MDGA2: variants seen among roughly 807,000 people sequenced by gnomAD.
MDGA2 encodes the protein MAM domain-containing glycosylphosphatidylinositol anchor protein 2.
In MDGA2, 40 loss-of-function variants were observed where a neutral mutation model predicts 117.8. That is an observed-to-expected ratio of 0.34 (90% CI 0.26 to 0.44). MDGA2 has a LOEUF of 0.44. MDGA2 is among the 20% of genes least tolerant of loss of function. The pLI is 1.00. For synonymous variants in MDGA2, 452 were observed against 439.0 expected (o/e 1.03, Z -0.37); for missense variants, 1,123 against 1,250.6 (o/e 0.90, Z 1.54).
chr14:47,091,587 A>C (rs1447298353), intron 6 of MDGA2, among the ~76,000 whole-genome samples: 2 of 152,152 alleles, frequency 1.3e-5, no homozygotes, highest in African/African-American at 2.4e-5. Flanking sequence ...AATGATGATG[A>C]GGAATTTTAA....
intron 1 of MDGA2, among the ~76,000 whole-genome samples, chr14:47,410,054 T>C (rs1430365880): frequency 6.6e-6 from 1 of 152,170 alleles, no homozygotes. Flanking sequence ...TTCTAATTGG[T>C]CCACATACTA....
intron 1 of MDGA2, among the ~76,000 whole-genome samples, chr14:47,467,331 G>A (rs1183151859): frequency 2.0e-5 from 3 of 152,046 alleles, no homozygotes; most frequent in Admixed American, 6.6e-5. Flanking sequence ...TGCATGTGCT[G>A]CAGGAATGAA....
At chr14:47,176,799 A>G (rs1167822768) in intron 3 of MDGA2, among the ~76,000 whole-genome samples, 1 of 152,174 alleles carries the variant, frequency 6.6e-6, no homozygotes, top group Admixed American at 6.5e-5. Flanking sequence ...AAATTGACAA[A>G]TGGGATCTAA....
intron 1 of MDGA2, among the ~76,000 whole-genome samples, chr14:47,495,019 T>A (rs547735210): frequency 2.0e-5 from 3 of 151,890 alleles, no homozygotes; most frequent in African/African-American, 7.3e-5. Flanking sequence ...TGTGTATACA[T>A]TAGGTAATAG....
intron 1 of MDGA2, among the ~76,000 whole-genome samples, chr14:47,555,972 G>C (rs1475630065): frequency 6.6e-6 from 1 of 152,144 alleles, no homozygotes; most frequent in Non-Finnish European, 1.5e-5. Context: ...GGGCTTTAAA[G>C]TTTCCTTTGC....
intron 5 of MDGA2, among the ~76,000 whole-genome samples, chr14:47,105,197 T>G (rs889293862): frequency 1.3e-5 from 2 of 152,140 alleles, no homozygotes; most frequent in African/African-American, 4.8e-5. Flanking sequence ...TCACCCTTAG[T>G]GGCAAGTCCT....
chr14:47,186,379 G>C (rs1260565526), intron 3 of MDGA2, among the ~76,000 whole-genome samples: 1 of 151,604 alleles, frequency 6.6e-6, no homozygotes, highest in Non-Finnish European at 1.5e-5. Flanking sequence ...CTTGAAAAAA[G>C]AGTAGAAGGG....
intron 1 of MDGA2, among the ~76,000 whole-genome samples, chr14:47,579,344 T>C (rs1896184919): frequency 6.6e-6 from 1 of 152,074 alleles, no homozygotes; most frequent in South Asian, 2.1e-4. Flanking sequence ...ATCTAGGATA[T>C]GGTAATCTGA....
intron 2 of MDGA2, among the ~76,000 whole-genome samples, chr14:47,219,334 CTTAA>C (rs139121591): frequency 0.062 from 9,447 of 151,810 alleles, 336 homozygotes; most frequent in Non-Finnish European, 0.063. Flanking sequence ...CACGTTTGCC[CTTAA>C]TTGTGAATGG....
At chr14:47,107,000 T>C (rs11157543) in intron 5 of MDGA2, among the ~76,000 whole-genome samples, 4,256 of 95,176 alleles carry the variant, frequency 0.045, 212 homozygotes, top group African/African-American at 0.079. Flanking sequence ...GGACTACAGC[T>C]ATATCTCATT....
chr14:47,524,561 C>A (rs1894932841), intron 1 of MDGA2, among the ~76,000 whole-genome samples: 1 of 152,154 alleles, frequency 6.6e-6, no homozygotes. Flanking sequence ...ATATGACAAA[C>A]AGCACGTAAT....
intron 1 of MDGA2, among the ~76,000 whole-genome samples, chr14:47,334,354 T>G (rs748499475): frequency 1.3e-5 from 2 of 151,900 alleles, no homozygotes; most frequent in African/African-American, 2.4e-5. Context: ...ATGTCTGTTT[T>G]GTGTGGTGTT....
chr14:47,311,681 T>G (rs974916615), intron 1 of MDGA2, among the ~76,000 whole-genome samples: 2 of 151,338 alleles, frequency 1.3e-5, no homozygotes, highest in African/African-American at 4.8e-5. Flanking sequence ...ACCTGTGTAA[T>G]TCATGTTATT....
chr14:46,929,620 TATATATATATATATATATATATATATAC>T (rs1566530247), intron 9 of MDGA2, among the ~76,000 whole-genome samples: 30 of 26,684 alleles, frequency 1.1e-3, no homozygotes, highest in Non-Finnish European at 2.1e-3. Flanking sequence ...TATATATATA[TATATATATATATATATATATATATATAC>T]ATTTTTTTTT....
chr14:47,278,485 A>G (rs921217641), intron 2 of MDGA2, among the ~76,000 whole-genome samples: 1 of 152,084 alleles, frequency 6.6e-6, no homozygotes, highest in African/African-American at 2.4e-5. Context: ...ATAAACTGTC[A>G]GGAGCCAAGC....
chr14:47,447,878 T>C (rs1186328648), intron 1 of MDGA2, among the ~76,000 whole-genome samples: 6 of 152,170 alleles, frequency 3.9e-5, no homozygotes, highest in African/African-American at 1.4e-4. Flanking sequence ...CTCATTTGAC[T>C]GGAGGATATG....
chr14:47,392,552 C>T (rs1477821775), intron 1 of MDGA2, among the ~76,000 whole-genome samples: 2 of 151,974 alleles, frequency 1.3e-5, no homozygotes, highest in Non-Finnish European at 2.9e-5. Flanking sequence ...CTGCCTTCAA[C>T]AAGCAGGAGA....
At chr14:47,567,831 T>G (rs1895948296) in intron 1 of MDGA2, among the ~76,000 whole-genome samples, 1 of 152,182 alleles carries the variant, frequency 6.6e-6, no homozygotes, top group East Asian at 1.9e-4. Context: ...TACAAAATTT[T>G]ATTTGTTGTA....
intron 1 of MDGA2, among the ~76,000 whole-genome samples, chr14:47,423,794 TA>T (rs1364403444): frequency 1.1e-3 from 134 of 125,380 alleles, no homozygotes; most frequent in African/African-American, 4.0e-3. Context: ...TTTATTTAAC[TA>T]TTTATTTTAT....
Sources: allele counts gnomAD v4.1 joint callset (sites outside exome capture counted in the v4.1 genomes callset), GRCh38; gene constraint gnomAD v4.1.1; transcripts MANE v1.5; gene names NCBI Gene and HGNC (gene_info 2026-07-23, HGNC 2026-07-21).